Variants in RIT2 observed in about 807,000 individuals in gnomAD.
RIT2 encodes GTP-binding protein Rit2.
A neutral mutation model predicts 23.7 loss-of-function variants in RIT2; 24 were observed. The observed-to-expected ratio is 1.01, with a 90% CI of 0.73 to 1.43. The LOEUF (loss-of-function observed/expected upper bound fraction) is 1.43. Among genes scored for constraint, RIT2 ranks in the 40% most tolerant of loss-of-function variants. RIT2 has a pLI of 0.00. For missense variants in RIT2, 236 were observed against 266.9 expected (o/e 0.88, Z 0.81); for synonymous variants, 107 against 91.1 (o/e 1.17, Z -0.99).
intron 4 of RIT2, among the ~76,000 whole-genome samples, chr18:42,796,599 T>C: frequency 6.6e-6 from 1 of 152,200 alleles, no homozygotes. Context: ...AGCCCTGATA[T>C]TTTCTGTTAG....
chr18:42,802,166 T>A lies in RIT2; in HGVS notation c.427-58446A>T, dbSNP rs542904615. ...TAGGGTCAAAATTAAAAGCATGAAT[T>A]TTAATTAGGATTATAATTAGGATAA... is the stretch of plus-strand genomic sequence containing the variant. On this transcript the variant is annotated intron_variant, in intron 4 of 4. Transcript: ENST00000326695. Among the ~76,000 whole-genome samples, 81 of 152,280 alleles carry A rather than the reference T, an allele frequency of 5.3e-4. 1 individual carries two copies. In the South Asian group the frequency reaches 6.2e-3, roughly 12 times the overall value.
At chr18:42,799,402 TA>T (rs1905462940) in intron 4 of RIT2, among the ~76,000 whole-genome samples, 1 of 152,156 alleles carries the variant, frequency 6.6e-6, no homozygotes, top group Non-Finnish European at 1.5e-5. Flanking sequence ...AATGCCCAAA[TA>T]AATAACTCTA....
intron 4 of RIT2, among the ~76,000 whole-genome samples, chr18:42,848,165 C>G (rs887884248): frequency 6.6e-6 from 1 of 151,964 alleles, no homozygotes; most frequent in South Asian, 2.1e-4. Context: ...GACATGTTGA[C>G]CCAATACAGA....
rs565800603 is a variant in RIT2 at position 42,938,486 on chromosome 18, C to T, written c.235-14723G>A. On this transcript the variant is annotated intron_variant, in intron 3 of 4. Transcript: ENST00000326695. The stretch of plus-strand genomic sequence containing the variant: ...CTGCCAAAATTTGGTACTTCCTTTC[C>T]TCCTCTTCCCTAAAAACACTGTCCT... Among the ~76,000 whole-genome samples, 3 of 152,184 alleles carry T rather than the reference C, an allele frequency of 2.0e-5. No individual in the cohort carries two copies. In the East Asian group the frequency reaches 5.8e-4, roughly 29 times the overall value.
chr18:43,112,667 G>A (rs143865192), intron 1 of RIT2, among the ~76,000 whole-genome samples: 5 of 152,142 alleles, frequency 3.3e-5, no homozygotes, highest in Non-Finnish European at 7.3e-5. Context: ...ACTTTGGGGG[G>A]CTGAGGCAGG....
At chr18:43,004,504 A>G (rs1350835789) in intron 2 of RIT2, among the ~76,000 whole-genome samples, 4 of 152,038 alleles carry the variant, frequency 2.6e-5, no homozygotes, top group African/African-American at 9.6e-5. Context: ...GCCTCATAAC[A>G]GGACTTCCCC....
intron 2 of RIT2, among the ~76,000 whole-genome samples, chr18:42,985,474 C>T (rs1910688452): frequency 6.6e-6 from 1 of 152,012 alleles, no homozygotes; most frequent in African/African-American, 2.4e-5. Flanking sequence ...TGGAAAAGGA[C>T]AACAAGCTCT....
At chr18:43,036,002 A>G (rs549158272) in intron 1 of RIT2, among the ~76,000 whole-genome samples, 1 of 152,218 alleles carries the variant, frequency 6.6e-6, no homozygotes, top group Non-Finnish European at 1.5e-5. Context: ...TCTATCAGGT[A>G]GCAGTACACG....
chr18:42,986,491 A>G (rs1029252468), intron 2 of RIT2, among the ~76,000 whole-genome samples: 3 of 151,892 alleles, frequency 2.0e-5, no homozygotes, highest in African/African-American at 7.3e-5. Context: ...GTTTATTTTT[A>G]TTATGCATTT....
intron 3 of RIT2, among the ~76,000 whole-genome samples, chr18:42,964,428 T>A (rs1910164874): frequency 6.6e-6 from 1 of 151,990 alleles, no homozygotes; most frequent in African/African-American, 2.4e-5. Context: ...TACCCTAAAG[T>A]GTTTCTGTTA....
intron 2 of RIT2, among the ~76,000 whole-genome samples, chr18:42,978,223 C>G (rs1568045204): frequency 6.6e-6 from 1 of 151,902 alleles, no homozygotes; most frequent in African/African-American, 2.4e-5. Context: ...CAAATAAAAG[C>G]TTCTCTTGGG....
At chr18:42,763,414 A>T (rs1447433338) in intron 4 of RIT2, among the ~76,000 whole-genome samples, 1 of 148,978 alleles carries the variant, frequency 6.7e-6, no homozygotes, top group Non-Finnish European at 1.5e-5. Flanking sequence ...GGGAGCCGAG[A>T]TTGCACCTTT....
chr18:43,008,218 AAAC>A (rs1175133841), intron 2 of RIT2, among the ~76,000 whole-genome samples: 10 of 151,706 alleles, frequency 6.6e-5, no homozygotes, highest in Non-Finnish European at 1.5e-5. Context: ...AATTGCTCAA[AAAC>A]AATACATGTA....
intron 4 of RIT2, among the ~76,000 whole-genome samples, chr18:42,915,889 A>T (rs1908896435): frequency 6.6e-6 from 1 of 151,798 alleles, no homozygotes; most frequent in African/African-American, 2.4e-5. Context: ...ATGTGCATAT[A>T]TAGTATATAT....
intron 4 of RIT2, among the ~76,000 whole-genome samples, chr18:42,837,161 T>C (rs1328031432): frequency 7.6e-5 from 7 of 92,702 alleles, no homozygotes; most frequent in Middle Eastern, 5.8e-3. Context: ...TTCTTTTTTT[T>C]TTTTTTTTTT....
At chr18:42,819,535 T>C (rs1906091127) in intron 4 of RIT2, among the ~76,000 whole-genome samples, 3 of 152,136 alleles carry the variant, frequency 2.0e-5, no homozygotes. Flanking sequence ...GGTTTTATTG[T>C]ATGTTTTTAT....
intron 4 of RIT2, among the ~76,000 whole-genome samples, chr18:42,772,662 G>A (rs1175302807): frequency 1.3e-5 from 2 of 152,188 alleles, no homozygotes; most frequent in African/African-American, 2.4e-5. Context: ...GGTTCCTGAT[G>A]TAGAGCTCCT....
chr18:42,860,292 T>A (rs1163385443), intron 4 of RIT2, among the ~76,000 whole-genome samples: 1 of 152,168 alleles, frequency 6.6e-6, no homozygotes, highest in African/African-American at 2.4e-5. Flanking sequence ...AGACAGTTGT[T>A]TTAAGACCAT....
chr18:42,810,107 ATATC>A (rs1222565600), intron 4 of RIT2, among the ~76,000 whole-genome samples: 1 of 147,620 alleles, frequency 6.8e-6, no homozygotes, highest in African/African-American at 2.5e-5. Flanking sequence ...AAAACTATGT[ATATC>A]TATTATGTAT....
Sources: allele counts gnomAD v4.1 joint callset (sites outside exome capture counted in the v4.1 genomes callset), GRCh38; gene constraint gnomAD v4.1.1; transcripts MANE v1.5; gene names NCBI Gene and HGNC (gene_info 2026-07-23, HGNC 2026-07-21).